SSBP2: variants seen among roughly 807,000 people sequenced by gnomAD.
The protein encoded by SSBP2 is single stranded DNA binding protein 2, also known as single-stranded DNA-binding protein 2.
A neutral mutation model predicts 61.8 loss-of-function variants in SSBP2; 17 were observed. That is an observed-to-expected ratio of 0.28 (90% confidence interval 0.19 to 0.41). The LOEUF (loss-of-function observed/expected upper bound fraction) is 0.41. Ranked by LOEUF, SSBP2 falls within the 10% of genes least tolerant of loss-of-function variation. The pLI, the probability that SSBP2 is intolerant of heterozygous loss-of-function variation, is 1.00. For synonymous variants in SSBP2, 139 were observed against 141.3 expected, an observed-to-expected ratio of 0.98 and a Z score of 0.12; for missense variants, 310 against 458.7, an observed-to-expected ratio of 0.68 and a Z score of 2.96.
At chr5:81,441,511 G>A (rs1264494255) in intron 13 of SSBP2, among the ~76,000 whole-genome samples, 1 of 151,216 alleles carries the variant, frequency 6.6e-6, no homozygotes, top group Non-Finnish European at 1.5e-5. Flanking sequence ...CTACCATGTT[G>A]TATGGTGCAG....
At chr5:81,600,295 G>A (rs1488087833) in intron 4 of SSBP2, among the ~76,000 whole-genome samples, 1 of 152,098 alleles carries the variant, frequency 6.6e-6, no homozygotes, top group Non-Finnish European at 1.5e-5. Flanking sequence ...GGGTGTGGTA[G>A]CTCACGCCTG....
chr5:81,653,316 A>G (rs1270783986), intron 1 of SSBP2, among the ~76,000 whole-genome samples: 1 of 152,164 alleles, frequency 6.6e-6, no homozygotes, highest in Non-Finnish European at 1.5e-5. Flanking sequence ...CACAGTGTAT[A>G]TGTGCCACAT....
chr5:81,510,304 AG>A (rs1444931397), intron 5 of SSBP2, among the ~76,000 whole-genome samples: 1 of 152,206 alleles, frequency 6.6e-6, no homozygotes, highest in Non-Finnish European at 1.5e-5. Flanking sequence ...TCTCTAGCTT[AG>A]AAAATGGTAC....
intron 1 of SSBP2, among the ~76,000 whole-genome samples, chr5:81,652,288 G>C (rs937204201): frequency 2.6e-5 from 4 of 151,952 alleles, no homozygotes; most frequent in African/African-American, 9.7e-5. Flanking sequence ...ATATTAACGG[G>C]GGTAATATAG....
rs373056875 is a variant in SSBP2 at position 81,476,690 on chromosome 5, G to T, written c.433-2128C>A. Among the ~76,000 whole-genome samples the T allele has an allele frequency of 4.0e-4, 61 of 152,288 alleles. No individual in the cohort carries two copies. The South Asian group carries it at 0.012, about 31-fold the overall frequency. ...CAGTAATTGATTACTTTTAGTATAA[G>T]AGCTATTCTGAGATTGTCAATATTC... On this transcript the variant is annotated intron_variant, in intron 6 of 16. Coordinates refer to ENST00000320672, the MANE Select transcript of SSBP2 (RefSeq NM_012446.5).
intron 4 of SSBP2, among the ~76,000 whole-genome samples, chr5:81,554,444 T>A (rs943229550): frequency 6.6e-6 from 1 of 150,612 alleles, no homozygotes; most frequent in Admixed American, 6.6e-5. Context: ...TTATATTTAT[T>A]TAATTTTAGA....
chr5:81,734,420 C>A (rs891914436), intron 1 of SSBP2, among the ~76,000 whole-genome samples: 3 of 152,158 alleles, frequency 2.0e-5, no homozygotes, highest in Non-Finnish European at 4.4e-5. Flanking sequence ...CAGGCCACTA[C>A]AACACATACA....
intron 1 of SSBP2, among the ~76,000 whole-genome samples, chr5:81,747,711 CAAG>C (rs1307783548): frequency 6.6e-6 from 1 of 152,044 alleles, no homozygotes; most frequent in Non-Finnish European, 1.5e-5. Flanking sequence ...CCTTAATGTT[CAAG>C]ATACCTCAGA....
chr5:81,683,814 C>G (rs1212839150), intron 1 of SSBP2, among the ~76,000 whole-genome samples: 1 of 152,114 alleles, frequency 6.6e-6, no homozygotes, highest in Non-Finnish European at 1.5e-5. Flanking sequence ...AAGCCTTTCA[C>G]CAATGAAGAT....
At chr5:81,652,321 T>C (rs1581255500) in intron 1 of SSBP2, among the ~76,000 whole-genome samples, 1 of 152,202 alleles carries the variant, frequency 6.6e-6, no homozygotes, top group Non-Finnish European at 1.5e-5. Context: ...AAGTTTTCTT[T>C]AGTACCTAAG....
In SSBP2 at chr5:81,737,996, G is replaced by A. The variant is rs573304982; in HGVS notation, c.62+12985C>T. ...TCCACCTATACCTTAAATATTCCCCGAACTTCCATCTCTGATTTCCTCACA... is the reference window on the plus strand; with the variant it reads ...TCCACCTATACCTTAAATATTCCCCAAACTTCCATCTCTGATTTCCTCACA... On this transcript the variant is annotated intron_variant, in intron 1 of 16. Transcript: ENST00000320672. Among the ~76,000 whole-genome samples the A allele has an allele frequency of 3.1e-4, 47 of 151,924 alleles. No individual in the cohort carries two copies. The South Asian group carries it at 4.0e-3, about 13-fold the overall frequency.
In SSBP2 at chr5:81,428,588, C is replaced by T. The variant is rs750022630; in HGVS notation, c.1053G>A (p.Glu351=). The change falls in exon 16 of 17, where the codon GAG becomes GAA. Residue 351 remains glutamate, a synonymous_variant. Coordinates refer to ENST00000320672, the MANE Select transcript of SSBP2 (RefSeq NM_012446.5). ...ATATAGTCAAGGGAATACTTACACT[C>T]TCACTCTGAAAAGGATTTAAGAAAT... 6.2e-7 allele frequency: 1 copy of T among 1,611,310 alleles called. No homozygotes were observed. Among genetic ancestry groups the T allele is most frequent in the Admixed American group, 1.7e-5 (1 of 60,000 alleles).
chr5:81,744,766 G>A (rs1757245323), intron 1 of SSBP2, among the ~76,000 whole-genome samples: 1 of 152,096 alleles, frequency 6.6e-6, no homozygotes, highest in African/African-American at 2.4e-5. Flanking sequence ...TAGCTGAACT[G>A]TGATTTAAAA....
intron 1 of SSBP2, among the ~76,000 whole-genome samples, chr5:81,736,541 A>G (rs1756638567): frequency 6.6e-6 from 1 of 152,204 alleles, no homozygotes; most frequent in Non-Finnish European, 1.5e-5. Flanking sequence ...TTCTCATTAA[A>G]TATCAAAATT....
intron 4 of SSBP2, among the ~76,000 whole-genome samples, chr5:81,614,764 T>C (rs925484279): frequency 6.6e-6 from 1 of 152,130 alleles, no homozygotes; most frequent in Admixed American, 6.5e-5. Context: ...CATGTTTCCC[T>C]AGCCCCTTCA....
chr5:81,524,757 T>C (rs1769783679), intron 4 of SSBP2, among the ~76,000 whole-genome samples: 1 of 152,024 alleles, frequency 6.6e-6, no homozygotes, highest in South Asian at 2.1e-4. Flanking sequence ...CTTGTGTGAA[T>C]AGTTTTTTCC....
intron 5 of SSBP2, 104 bp from the exon 6 acceptor site, chr5:81,489,413 C>G: frequency 1.1e-6 from 1 of 945,270 alleles, no homozygotes; most frequent in South Asian, 1.7e-5. Flanking sequence ...AATCAAATCA[C>G]AAATCAATGT....
At chr5:81,682,335 C>G (rs574799477) in intron 1 of SSBP2, among the ~76,000 whole-genome samples, 2 of 152,132 alleles carry the variant, frequency 1.3e-5, no homozygotes, top group Non-Finnish European at 2.9e-5. Context: ...TTATACAGCA[C>G]AGAACCAACT....
upstream of SSBP2, chr5:81,751,275 C>T (rs1757752829): frequency 1.7e-6 from 1 of 582,588 alleles, no homozygotes; most frequent in Non-Finnish European, 3.1e-6. Context: ...CTCCTCCCTC[C>T]TTCCCTCCCT....
Sources: allele counts gnomAD v4.1 joint callset (sites outside exome capture counted in the v4.1 genomes callset), GRCh38; gene constraint gnomAD v4.1.1; transcripts MANE v1.5; gene names NCBI Gene and HGNC (gene_info 2026-07-23, HGNC 2026-07-21).